ERBB4: variants seen among roughly 807,000 people sequenced by gnomAD.
The protein encoded by ERBB4 is erb-b2 receptor tyrosine kinase 4.
ERBB4 carries 42 observed loss-of-function variants against 158.0 expected under a neutral mutation model. That is an observed-to-expected ratio of 0.27 (90% confidence interval 0.21 to 0.34). The LOEUF (loss-of-function observed/expected upper bound fraction) is 0.34. ERBB4 is among the 10% of genes least tolerant of loss of function. The pLI, the probability that ERBB4 is intolerant of heterozygous loss-of-function variation, is 1.00. For synonymous variants in ERBB4, 583 were observed against 558.7 expected, an observed-to-expected ratio of 1.04 and a Z score of -0.61; for missense variants, 1,333 against 1,624.1, an observed-to-expected ratio of 0.82 and a Z score of 3.08.
At chr2:212,017,487 A>G (rs1051219101) in intron 2 of ERBB4, among the ~76,000 whole-genome samples, 2 of 152,164 alleles carry the variant, frequency 1.3e-5, no homozygotes, top group Non-Finnish European at 2.9e-5. Context: ...TCAATTAAAA[A>G]TATGCATCTT....
chr2:212,387,715 G>A (rs1321668852), intron 1 of ERBB4, among the ~76,000 whole-genome samples: 1 of 152,064 alleles, frequency 6.6e-6, no homozygotes, highest in Non-Finnish European at 1.5e-5. Context: ...ACCATGCCCT[G>A]CAAATTAGAA....
chr2:211,733,039 T>G (rs555707702), intron 5 of ERBB4, among the ~76,000 whole-genome samples: 8 of 152,318 alleles, frequency 5.3e-5, no homozygotes, highest in African/African-American at 1.7e-4. Flanking sequence ...CTAATCAGGT[T>G]TGACCTGATG....
At chr2:212,261,264 C>T (rs1288334208) in intron 1 of ERBB4, among the ~76,000 whole-genome samples, 1 of 152,028 alleles carries the variant, frequency 6.6e-6, no homozygotes, top group Non-Finnish European at 1.5e-5. Context: ...TATACAGGGA[C>T]ATGTGGAAAA....
At chr2:211,533,177 T>G (rs1342279394) in intron 20 of ERBB4, among the ~76,000 whole-genome samples, 1 of 151,960 alleles carries the variant, frequency 6.6e-6, no homozygotes, top group African/African-American at 2.4e-5. Flanking sequence ...GTAGACTTCA[T>G]TTTTTAATTG....
At chr2:211,518,717 G>A (rs979534501) in intron 20 of ERBB4, among the ~76,000 whole-genome samples, 1 of 151,992 alleles carries the variant, frequency 6.6e-6, no homozygotes, top group African/African-American at 2.4e-5. Flanking sequence ...ATATTAGGCT[G>A]TAGACGATTT....
At chr2:211,950,845 T>C (rs186644542) in intron 2 of ERBB4, among the ~76,000 whole-genome samples, 1 of 152,104 alleles carries the variant, frequency 6.6e-6, no homozygotes. Flanking sequence ...TTGCACCGCG[T>C]GGAAAAGTCT....
At chr2:211,904,519 C>T (rs573668283) in intron 3 of ERBB4, among the ~76,000 whole-genome samples, 1 of 151,976 alleles carries the variant, frequency 6.6e-6, no homozygotes, top group Non-Finnish European at 1.5e-5. Context: ...TACAGTAGAA[C>T]TTATCTCAAA....
intron 2 of ERBB4, among the ~76,000 whole-genome samples, chr2:211,974,757 G>C (rs1287982486): frequency 1.3e-5 from 2 of 152,050 alleles, no homozygotes; most frequent in Non-Finnish European, 2.9e-5. Flanking sequence ...GTGAAACACT[G>C]TCTCAAAAAA....
At chr2:211,424,018 G>T (rs1187883481) in intron 23 of ERBB4, 137 bp downstream of exon 23, 14 of 816,004 alleles carry the variant, frequency 1.7e-5, no homozygotes, top group Non-Finnish European at 2.5e-5. Flanking sequence ...CAACAAAGAG[G>T]CGTTCATATG....
intron 3 of ERBB4, among the ~76,000 whole-genome samples, chr2:211,850,666 C>T (rs2077696017): frequency 6.6e-6 from 1 of 151,704 alleles, no homozygotes; most frequent in Non-Finnish European, 1.5e-5. Flanking sequence ...TTAGAAGGAG[C>T]AAGGTGTTTG....
At chr2:212,172,851 T>A (rs1268159294) in intron 1 of ERBB4, among the ~76,000 whole-genome samples, 1 of 152,020 alleles carries the variant, frequency 6.6e-6, no homozygotes, top group African/African-American at 2.4e-5. Context: ...AATACCTGGG[T>A]GATGCGATGA....
At chr2:212,246,745 A>C (rs2084324768) in intron 1 of ERBB4, among the ~76,000 whole-genome samples, 1 of 152,184 alleles carries the variant, frequency 6.6e-6, no homozygotes, top group Non-Finnish European at 1.5e-5. Flanking sequence ...ACTCAAGAAG[A>C]GAAAAAAATA....
chr2:212,070,055 G>C (rs2078066301), intron 2 of ERBB4, among the ~76,000 whole-genome samples: 1 of 151,996 alleles, frequency 6.6e-6, no homozygotes, highest in South Asian at 2.1e-4. Context: ...ATCAGTTCAA[G>C]GTTGCAGTGA....
chr2:211,702,091 T>C lies in ERBB4; in HGVS notation c.1365A>G (p.Ala455=), dbSNP rs2106036893. 2 of 1,614,122 alleles carry C rather than the reference T, an allele frequency of 1.2e-6. No homozygotes were observed. The highest frequency in any genetic ancestry group is 1.7e-6 in the Non-Finnish European group (2 of 1,179,972). Residue 455 remains alanine, a synonymous_variant, in exon 12 of 28, where the codon GCA becomes GCG. Coordinates refer to ENST00000342788, the MANE Select transcript of ERBB4 (RefSeq NM_005235.3). ...TGTTGTCAGTAATATAGATGTTTCC[T>C]GCGCTGATTTCCTTCAGGGACTGGA... ...LQFQSLKEIS[A]GNIYITDNSN...
intron 16 of ERBB4, among the ~76,000 whole-genome samples, chr2:211,644,991 T>C (rs1010942818): frequency 6.6e-6 from 1 of 151,442 alleles, no homozygotes; most frequent in Admixed American, 6.6e-5. Context: ...GGGAGGAGAG[T>C]AAGAGATAGC....
rs1171973109 is a variant in ERBB4 at position 211,383,243 on chromosome 2, A to T, written c.*372T>A. On this transcript the variant is annotated 3_prime_UTR_variant, in exon 28 of 28. Transcript: ENST00000342788. ...CATGGGTGTTTCAACCATCTGCTTT[A>T]AAAAAAAAAAAAAAAAAGAAGAGGA... 6 of 123,084 alleles carry T rather than the reference A, an allele frequency of 4.9e-5. No homozygotes were observed. Among genetic ancestry groups the T allele is most frequent in the East Asian group, 2.1e-4 (1 of 4,848 alleles). 7.6% of individuals were successfully genotyped at this position (123,084 alleles called of 1,614,324 possible).
chr2:211,455,319 A>C (rs79991389), intron 20 of ERBB4, among the ~76,000 whole-genome samples: 3,872 of 152,294 alleles, frequency 0.025, 160 homozygotes, highest in African/African-American at 0.088. Flanking sequence ...TTCTGTAGGG[A>C]GTTCAGTGGA....
chr2:211,572,943 G>C (rs1286687287), intron 19 of ERBB4, among the ~76,000 whole-genome samples: 1 of 152,154 alleles, frequency 6.6e-6, no homozygotes, highest in Non-Finnish European at 1.5e-5. Context: ...CAGTCATTGT[G>C]TGGTAGGCTG....
intron 2 of ERBB4, among the ~76,000 whole-genome samples, chr2:212,113,853 A>G (rs2125546451): frequency 1.3e-5 from 2 of 152,310 alleles, no homozygotes; most frequent in Middle Eastern, 3.4e-3. Context: ...ATAGGCTGTA[A>G]GATGAAAGGT....
Sources: gnomAD v4.1 joint callset for allele counts (sites outside exome capture counted in the v4.1 genomes callset) on GRCh38, gnomAD v4.1.1 for gene constraint, MANE v1.5 for transcripts, NCBI Gene and HGNC (gene_info 2026-07-23, HGNC 2026-07-21) for gene names.